HDC: variants seen among roughly 807,000 people sequenced by gnomAD.
The protein encoded by HDC is histidine decarboxylase.
In HDC, 27 loss-of-function variants were observed where a neutral mutation model predicts 64.4. The observed-to-expected ratio is 0.42, with a 90% CI of 0.31 to 0.58. The LOEUF (loss-of-function observed/expected upper bound fraction) is 0.58, where lower values mean the gene tolerates loss of function less well. HDC is among the 20% of genes least tolerant of loss of function. The pLI is 0.16. For missense variants in HDC, 711 were observed against 833.9 expected (o/e 0.85, Z 1.81); for synonymous variants, 305 against 314.2 (o/e 0.97, Z 0.31).
chr15:50,249,802 C>A (rs2045530548), intron 9 of HDC, among the ~76,000 whole-genome samples: 1 of 152,298 alleles, frequency 6.6e-6, no homozygotes, highest in African/African-American at 2.4e-5. Flanking sequence ...AGCAAATAAA[C>A]CAGGATAGGC....
intron 9 of HDC, among the ~76,000 whole-genome samples, chr15:50,250,964 T>C (rs964892188): frequency 6.6e-6 from 1 of 152,158 alleles, no homozygotes; most frequent in African/African-American, 2.4e-5. Context: ...AAGCTATTAT[T>C]TTAAGACTAA....
chr15:50,261,643 A>AT (rs975875242), intron 2 of HDC, among the ~76,000 whole-genome samples: 6 of 150,466 alleles, frequency 4.0e-5, no homozygotes, highest in African/African-American at 7.3e-5. Flanking sequence ...AAAAAAAAAA[A>AT]GTCAAAATTG....
chr15:50,253,579 CCA>C lies in HDC; in HGVS notation c.787+19_787+20del. The C allele has an allele frequency of 6.2e-7, 1 of 1,602,860 alleles. No homozygotes were observed. The highest frequency in any genetic ancestry group is 1.1e-5 in the South Asian group (1 of 90,856). On this transcript the variant is annotated intron_variant, in intron 7 of 11. Coordinates refer to ENST00000267845, the MANE Select transcript of HDC (RefSeq NM_002112.4). The stretch of plus-strand genomic sequence containing the variant: ...AAAAATGTATTCCTTGTCTTCCTAG[CCA>C]CAGAGGGAAGATACTTACAGATGGG...
chr15:50,242,253 C>T lies in HDC; in HGVS notation c.*7G>A, dbSNP rs752464319. The T allele has an allele frequency of 1.2e-6, 2 of 1,612,804 alleles. No homozygotes were observed. The highest frequency in any genetic ancestry group is 4.5e-5 in the East Asian group (2 of 44,868). ...ATATCCTCAGACTCTGGCTGAAGGC[C>T]CTGTGTCTAAACCATGGCCTGCAGA... On this transcript the variant is annotated 3_prime_UTR_variant, in exon 12 of 12. Coordinates refer to ENST00000267845, the MANE Select transcript of HDC (RefSeq NM_002112.4).
At chr15:50,252,832 C>T (rs776802783) in intron 7 of HDC, 58 bp from the exon 8 acceptor site, 27 of 1,532,782 alleles carry the variant, frequency 1.8e-5, no homozygotes, top group Non-Finnish European at 2.2e-5. Context: ...AAAGATGTCT[C>T]GCACCTGGCC....
intron 10 of HDC, among the ~76,000 whole-genome samples, chr15:50,244,111 T>C (rs2045444000): frequency 6.6e-6 from 1 of 152,182 alleles, no homozygotes; most frequent in African/African-American, 2.4e-5. Context: ...TGCTTTTTGT[T>C]TTTAACCCAG....
Position 50,242,165 on chromosome 15 carries a change from C to T in HDC, c.*95G>A. 9.7e-7 allele frequency: 1 copy of T among 1,029,090 alleles called. No individual in the cohort carries two copies. 63.7% of individuals were successfully genotyped at this position (1,029,090 alleles called of 1,614,324 possible). A position where few individuals can be genotyped will look rare whatever the true frequency, so the allele number is the denominator to read the frequency against. ...TTATGAACTCGCCCCAAGAAAAATG[C>T]ATGTACACATAAGCACACAAAGTTG... On this transcript the variant is annotated 3_prime_UTR_variant, in exon 12 of 12. Coordinates refer to ENST00000267845, the MANE Select transcript of HDC (RefSeq NM_002112.4).
chr15:50,246,174 A>C (rs762356536), intron 10 of HDC, among the ~76,000 whole-genome samples: 1 of 152,192 alleles, frequency 6.6e-6, no homozygotes, highest in South Asian at 2.1e-4. Context: ...GAGCCTTGCC[A>C]GGTTAGAGTG....
At position 50,253,727 on chromosome 15, in the gene HDC, G is replaced by T. The variant is rs1172981217; in HGVS notation, c.721-61C>A. 2.9e-6 allele frequency: 4 copies of T among 1,361,294 alleles called. No individual in the cohort carries two copies. In the African/African-American group the frequency reaches 4.3e-5, roughly 15 times the overall value. 84.3% of individuals were successfully genotyped at this position (1,361,294 alleles called of 1,614,324 possible). On this transcript the variant is annotated intron_variant, in intron 6 of 11. Transcript: ENST00000267845. The stretch of plus-strand genomic sequence containing the variant: ...TGGGCTCGTGTGACACATTTGGCCT[G>T]AGAAAGATTTCACCACAGACGTGAT...
chr15:50,254,322 C>CACCCCCCAGAAACTGCTTCA, intron 5 of HDC, 49 bp from the exon 6 acceptor site: 1 of 1,609,578 alleles, frequency 6.2e-7, no homozygotes, highest in South Asian at 1.1e-5. Flanking sequence ...CTGGAATGAT[C>CACCCCCCAGAAACTGCTTCA]ACCCCCCAGA....
rs1360747727 is a variant in HDC, at chr15:50,248,260, T to A, written c.1125A>T (p.Gln375His). 6.2e-7 allele frequency: 1 copy of A among 1,612,510 alleles called. No individual in the cohort carries two copies. The highest frequency in any genetic ancestry group is 1.7e-5 in the Admixed American group (1 of 60,006). The change falls in exon 10 of 12, where the codon CAA becomes CAT. Residue 375 changes from glutamine (Q) to histidine (H), a missense_variant. Gln to His is a conservative substitution (Grantham distance 24). Transcript: ENST00000267845. The surrounding 1 kb of genome is among the most constrained non-coding windows in gnomAD (Gnocchi z 4.3). ...VIRSFGVKNL[Q>H]AHVRHGTEMA... is the part of the protein sequence containing the mutation. ...TGCTACATACATGTCTGACATGTGC[T>A]TGAAGATTCTTCACCCCGAAGGACC...
At chr15:50,264,309 G>T (rs1176103305) in intron 1 of HDC, among the ~76,000 whole-genome samples, 1 of 152,102 alleles carries the variant, frequency 6.6e-6, no homozygotes, top group African/African-American at 2.4e-5. Flanking sequence ...TATAATTTCT[G>T]AGGCTCACAG....
chr15:50,251,564 C>G (rs549688993), intron 9 of HDC, among the ~76,000 whole-genome samples: 1 of 152,264 alleles, frequency 6.6e-6, no homozygotes, highest in African/African-American at 2.4e-5. Flanking sequence ...TCGTTTACAT[C>G]CCTGTCTCCC....
At chr15:50,254,310 T>A in intron 5 of HDC, 37 bp from the exon 6 acceptor site, 1 of 1,612,906 alleles carries the variant, frequency 6.2e-7, no homozygotes, top group African/African-American at 1.3e-5. Context: ...CAAAGAGTCA[T>A]CCTGGAATGA....
chr15:50,262,680 C>T (rs1205186488), intron 2 of HDC, among the ~76,000 whole-genome samples: 1 of 152,174 alleles, frequency 6.6e-6, no homozygotes, highest in African/African-American at 2.4e-5. Flanking sequence ...AATCACCAGA[C>T]CTCAGAGGGG....
rs377547096 is a variant in HDC, at chr15:50,242,721, T to C, written c.1528A>G (p.Ser510Gly). The C allele has an allele frequency of 3.3e-5, 53 of 1,614,100 alleles. No homozygotes were observed. The African/African-American group carries it at 6.3e-4, about 19-fold the overall frequency. ...WACGTSLQSVSGAGDDPVQAR... is the reference protein window; with the variant it reads ...WACGTSLQSVGGAGDDPVQAR... ...TGGACTGGATCATCTCCTGCCCCAC[T>C]GACAGACTGAAGGGACGTTCCACAG... Residue 510 changes from serine (S) to glycine (G), a missense_variant, in exon 12 of 12, where the codon AGT becomes GGT. Coordinates refer to ENST00000267845, the MANE Select transcript of HDC (RefSeq NM_002112.4).
intron 7 of HDC, chr15:50,253,361 T>A (rs2045583511): frequency 1.7e-6 from 1 of 580,680 alleles, no homozygotes; most frequent in Admixed American, 2.9e-5. Flanking sequence ...TCTCCTACTG[T>A]CGCCTCCTAG....
Position 50,252,726 on chromosome 15 carries a change from G to A in HDC, c.836C>T (p.Thr279Ile), listed in dbSNP as rs760867913. The A allele has an allele frequency of 5.0e-6, 8 of 1,614,022 alleles. No homozygotes were observed. In the African/African-American group the frequency reaches 5.3e-5, roughly 11 times the overall value. The change falls in exon 8 of 12, where the codon ACT (threonine) becomes ATT (isoleucine). Residue 279 changes from threonine (T) to isoleucine (I), a missense_variant. Transcript: ENST00000267845. ...WLHIDAAYAGTAFLCPEFRGF... is the reference protein window; with the variant it reads ...WLHIDAAYAGIAFLCPEFRGF... ...CCGGAACTCGGGGCACAGGAAGGCA[G>A]TGCCTGCATAAGCAGCATCGATGTG...
At chr15:50,259,909 A>C (rs1320592413) in intron 2 of HDC, among the ~76,000 whole-genome samples, 1 of 152,174 alleles carries the variant, frequency 6.6e-6, no homozygotes, top group Non-Finnish European at 1.5e-5. Flanking sequence ...CAAGGACACA[A>C]GTTCCCATCC....
Sources: allele counts gnomAD v4.1 joint callset (sites outside exome capture counted in the v4.1 genomes callset), GRCh38; gene constraint gnomAD v4.1.1; non-coding constraint Gnocchi (gnomAD v3.1); transcripts MANE v1.5; gene names NCBI Gene and HGNC (gene_info 2026-07-23, HGNC 2026-07-21).